Variants in MAP7 observed in about 807,000 individuals in gnomAD.
MAP7 encodes ensconsin.
MAP7 carries 52 observed loss-of-function variants against 94.8 expected under a neutral mutation model. That is an observed-to-expected ratio of 0.55 (90% CI 0.44 to 0.69). The LOEUF (loss-of-function observed/expected upper bound fraction) is 0.69. Ranked by LOEUF, MAP7 falls within the 30% of genes least tolerant of loss-of-function variation. MAP7 has a pLI of 0.00. For missense variants in MAP7, 940 were observed against 964.6 expected, an observed-to-expected ratio of 0.97 and a Z score of 0.34; for synonymous variants, 350 against 357.0, an observed-to-expected ratio of 0.98 and a Z score of 0.22.
In MAP7 at chr6:136,344,095, T is replaced by C; in HGVS notation, c.*133A>G. ...GTCTGTTGTCTTTAGCTAGTTTTAA[T>C]AAATCTTTTCAAAATGATGGTCAAG... On this transcript the variant is annotated 3_prime_UTR_variant, in exon 18 of 18. Transcript: ENST00000354570. The C allele has an allele frequency of 2.5e-6, 1 of 405,762 alleles. No homozygotes were observed. Among genetic ancestry groups the C allele is most frequent in the Non-Finnish European group, 4.5e-6 (1 of 223,988 alleles). 25.1% of individuals were successfully genotyped at this position (405,762 alleles called of 1,614,324 possible). A position where few individuals can be genotyped will look rare whatever the true frequency, so the allele number is the denominator to read the frequency against.
chr6:136,390,557 G>T (rs759232680), intron 3 of MAP7, among the ~76,000 whole-genome samples: 3 of 152,078 alleles, frequency 2.0e-5, no homozygotes, highest in Non-Finnish European at 2.9e-5. Context: ...GGAGGCTGAG[G>T]TGCAAGAATC....
intron 3 of MAP7, among the ~76,000 whole-genome samples, chr6:136,411,321 A>G (rs1304966643): frequency 2.0e-5 from 3 of 152,208 alleles, no homozygotes; most frequent in African/African-American, 7.2e-5. Context: ...GTAAAAAAGA[A>G]CAATATGTTT....
At chr6:136,526,277 G>GCACGCACA (rs1554272740) in intron 1 of MAP7, 1 of 784,856 alleles carries the variant, frequency 1.3e-6, no homozygotes, top group Admixed American at 5.8e-5. Flanking sequence ...ACACGCGCGC[G>GCACGCACA]CACACACACA....
At chr6:136,534,032 A>G (rs1828688002) in intron 1 of MAP7, among the ~76,000 whole-genome samples, 1 of 152,200 alleles carries the variant, frequency 6.6e-6, no homozygotes, top group South Asian at 2.1e-4. Context: ...AAAAATCAGG[A>G]AAGATTAATT....
intron 1 of MAP7, among the ~76,000 whole-genome samples, chr6:136,477,092 A>T (rs1811173283): frequency 6.6e-6 from 1 of 152,234 alleles, no homozygotes; most frequent in South Asian, 2.1e-4. Flanking sequence ...ATACTTACTA[A>T]CTGAAAAGGA....
intron 1 of MAP7, among the ~76,000 whole-genome samples, chr6:136,545,704 A>G (rs1829678601): frequency 6.6e-6 from 1 of 152,182 alleles, no homozygotes; most frequent in African/African-American, 2.4e-5. Context: ...CTAATTTTAT[A>G]TCCCACTTAC....
chr6:136,466,451 A>G (rs1807106579), intron 1 of MAP7, among the ~76,000 whole-genome samples: 1 of 152,010 alleles, frequency 6.6e-6, no homozygotes, highest in Admixed American at 6.6e-5. Context: ...AAAAGAAAGA[A>G]GTATGGAAAA....
intron 1 of MAP7, among the ~76,000 whole-genome samples, chr6:136,452,962 T>C (rs1801651183): frequency 6.6e-6 from 1 of 152,172 alleles, no homozygotes; most frequent in Admixed American, 6.5e-5. Context: ...ACCAAAAAAT[T>C]AGTGTGACTG....
chr6:136,423,342 C>T (rs574364295), intron 1 of MAP7, among the ~76,000 whole-genome samples: 17 of 152,136 alleles, frequency 1.1e-4, no homozygotes, highest in Non-Finnish European at 1.9e-4. Flanking sequence ...AACGAGATAA[C>T]GTACAGAAAG....
chr6:136,416,633 C>G (rs1789526101), intron 2 of MAP7, among the ~76,000 whole-genome samples: 1 of 152,036 alleles, frequency 6.6e-6, no homozygotes. Flanking sequence ...TGGCGAAACC[C>G]TGTCTCTACT....
Position 136,525,705 on chromosome 6 carries a change from C to T in MAP7, c.67+24637G>A, listed in dbSNP as rs1313989369. 9 of 963,670 alleles carry T rather than the reference C, an allele frequency of 9.3e-6. No homozygotes were observed. In the South Asian group the frequency reaches 1.8e-4, roughly 19 times the overall value. 59.7% of individuals were successfully genotyped at this position (963,670 alleles called of 1,614,324 possible). On this transcript the variant is annotated intron_variant, in intron 1 of 17. Transcript: ENST00000354570. Reference sequence around the variant, plus strand: ...GAGGGTATAAACACTACCAGCAAACCGTGCTAGGAGGTCACAAGCACTCCC... The same window carrying T: ...GAGGGTATAAACACTACCAGCAAACTGTGCTAGGAGGTCACAAGCACTCCC...
intron 16 of MAP7, among the ~76,000 whole-genome samples, chr6:136,352,803 A>T (rs1789608957): frequency 6.6e-6 from 1 of 152,250 alleles, no homozygotes; most frequent in African/African-American, 2.4e-5. Context: ...AACCTAGTTT[A>T]TGATAACTAT....
At chr6:136,473,622 A>G (rs1809833641) in intron 1 of MAP7, among the ~76,000 whole-genome samples, 1 of 152,210 alleles carries the variant, frequency 6.6e-6, no homozygotes, top group East Asian at 1.9e-4. Context: ...TAACTTATGT[A>G]GCAGATTCCC....
At chr6:136,360,933 C>T (rs1013369525) in intron 12 of MAP7, 72 bp downstream of exon 12, 3 of 1,548,932 alleles carry the variant, frequency 1.9e-6, no homozygotes, top group Non-Finnish European at 8.7e-7. Context: ...GTCCAGTCCG[C>T]ACCCTCCTCT....
chr6:136,359,728 TTCCC>T, intron 15 of MAP7, 88 bp downstream of exon 15: 1 of 1,229,540 alleles, frequency 8.1e-7, no homozygotes, highest in South Asian at 1.3e-5. Context: ...TGGATCTTTT[TTCCC>T]TCCATCAATT....
intron 16 of MAP7, among the ~76,000 whole-genome samples, chr6:136,350,028 A>G (rs948746937): frequency 6.6e-6 from 1 of 152,200 alleles, no homozygotes; most frequent in African/African-American, 2.4e-5. Context: ...ATTTACGAAT[A>G]TATTAGGTAC....
chr6:136,446,591 T>C (rs1799439727), intron 1 of MAP7, among the ~76,000 whole-genome samples: 1 of 152,192 alleles, frequency 6.6e-6, no homozygotes, highest in African/African-American at 2.4e-5. Context: ...CCCAACCCTC[T>C]AATCCTGCCT....
chr6:136,422,701 G>T (rs969990721), intron 1 of MAP7, among the ~76,000 whole-genome samples: 1 of 152,114 alleles, frequency 6.6e-6, no homozygotes, highest in Non-Finnish European at 1.5e-5. Flanking sequence ...ATTTGGATTA[G>T]TAATAGGTTA....
intron 1 of MAP7, among the ~76,000 whole-genome samples, chr6:136,425,970 T>C (rs1793008786): frequency 6.6e-6 from 1 of 152,176 alleles, no homozygotes; most frequent in Admixed American, 6.5e-5. Flanking sequence ...TGTATCTCCT[T>C]CTACCACTTC....
Sources: gnomAD v4.1 joint callset for allele counts (sites outside exome capture counted in the v4.1 genomes callset) on GRCh38, gnomAD v4.1.1 for gene constraint, MANE v1.5 for transcripts, NCBI Gene and HGNC (gene_info 2026-07-23, HGNC 2026-07-21) for gene names.